TRAP1: variants seen among roughly 807,000 people sequenced by gnomAD.
The protein encoded by TRAP1 is heat shock protein 75 kDa, mitochondrial.
A neutral mutation model predicts 89.1 loss-of-function variants in TRAP1; 102 were observed. The observed-to-expected ratio is 1.15, with a 90% CI of 0.98 to 1.35. TRAP1 has a LOEUF of 1.35. Ranked by LOEUF, TRAP1 falls within the 40% of genes most tolerant of loss-of-function variation. The pLI is 0.00. For synonymous variants in TRAP1, 508 were observed against 388.0 expected, an observed-to-expected ratio of 1.31 and a Z score of -3.64; for missense variants, 1,256 against 945.3, an observed-to-expected ratio of 1.33 and a Z score of -4.31.
intron 1 of TRAP1, among the ~76,000 whole-genome samples, chr16:3,707,575 C>G (rs1007648800): frequency 1.3e-5 from 2 of 151,312 alleles, no homozygotes; most frequent in African/African-American, 4.8e-5. Context: ...GACAAACACC[C>G]GGGTGAGGTG....
chr16:3,707,647 A>G (rs2051467199), intron 1 of TRAP1, among the ~76,000 whole-genome samples: 1 of 150,364 alleles, frequency 6.7e-6, no homozygotes, highest in Non-Finnish European at 1.5e-5. Flanking sequence ...TGAGGTCAGG[A>G]GTTCGAGACC....
At chr16:3,690,487 G>C (rs185374304) in intron 2 of TRAP1, among the ~76,000 whole-genome samples, 163 of 152,326 alleles carry the variant, frequency 1.1e-3, no homozygotes, top group Non-Finnish European at 1.6e-3. Flanking sequence ...GGAATGAAAA[G>C]ACAGCTCCAG....
At chr16:3,708,376 C>T (rs1010041046) in intron 1 of TRAP1, among the ~76,000 whole-genome samples, 5 of 152,054 alleles carry the variant, frequency 3.3e-5, no homozygotes, top group Non-Finnish European at 7.4e-5. Flanking sequence ...CAGTGGCTCA[C>T]ACCTGTAATG....
intron 1 of TRAP1, among the ~76,000 whole-genome samples, chr16:3,710,894 A>C (rs2051522319): frequency 8.4e-6 from 1 of 119,092 alleles, no homozygotes. Flanking sequence ...TTTTTTTGAG[A>C]CACTGTCACT....
chr16:3,663,366 G>C, intron 14 of TRAP1, 58 bp downstream of exon 14: 2 of 1,605,510 alleles, frequency 1.2e-6, no homozygotes, highest in Non-Finnish European at 8.5e-7. Flanking sequence ...CTGCGGGGCA[G>C]GAGAGGCGTG....
intron 1 of TRAP1, among the ~76,000 whole-genome samples, chr16:3,710,169 G>A (rs1310667843): frequency 6.6e-6 from 1 of 152,186 alleles, no homozygotes; most frequent in Non-Finnish European, 1.5e-5. Flanking sequence ...AAGCGAAAGG[G>A]CACCTCGGAA....
chr16:3,670,382 C>CAAAAAAAAAAAAAAAAAAAAA lies in TRAP1; in HGVS notation c.1235+1319_1235+1339dup, dbSNP rs760902038. On this transcript the variant is annotated intron_variant, in intron 11 of 17. Coordinates refer to ENST00000246957, the MANE Select transcript of TRAP1 (RefSeq NM_016292.3). ...TGGGCGACAGAGCAAGACTCCGTCT[C>CAAAAAAAAAAAAAAAAAAAAA]AAAAAAAAAAAAAAAAAAAAAAAAA... Among the ~76,000 whole-genome samples, 18 of 22,840 alleles carry CAAAAAAAAAAAAAAAAAAAAA rather than the reference C, an allele frequency of 7.9e-4. 1 individual carries two copies. Among genetic ancestry groups the CAAAAAAAAAAAAAAAAAAAAA allele is most frequent in the African/African-American group, 9.8e-4 (8 of 8,126 alleles). The allele number at this position is 22,840 out of a possible 152,430, so 15.0% of individuals were successfully genotyped here.
At chr16:3,667,137 G>A (rs2050844282) in intron 11 of TRAP1, among the ~76,000 whole-genome samples, 1 of 152,104 alleles carries the variant, frequency 6.6e-6, no homozygotes, top group South Asian at 2.1e-4. Flanking sequence ...GTCTATGCAG[G>A]GCCATGGTTG....
chr16:3,663,797 A>G, intron 13 of TRAP1: 1 of 550,680 alleles, frequency 1.8e-6, no homozygotes, highest in South Asian at 2.2e-5. Context: ...CATGTGGCTG[A>G]GTGCAGTGGC....
chr16:3,680,550 C>T (rs566307963), intron 4 of TRAP1, among the ~76,000 whole-genome samples: 1 of 152,374 alleles, frequency 6.6e-6, no homozygotes, highest in Admixed American at 6.5e-5. Flanking sequence ...CCTACTCCCA[C>T]CCTACCACCA....
At position 3,658,854 on chromosome 16, in the gene TRAP1, A is replaced by ATGAGCG. The variant is rs1405704672; in HGVS notation, c.1946_1951dup (p.Leu650_Ile651insThrLeu). On this transcript the variant is annotated inframe_insertion, in exon 17 of 18. Transcript: ENST00000246957. ...TGCGCGCAGCTGATTCAGCTTCTTG[A>ATGAGCG]TGAGCGCGTGCCTGCAACACAGAAC... The ATGAGCG allele has an allele frequency of 6.2e-7, 1 of 1,614,056 alleles. No individual in the cohort carries two copies. Among genetic ancestry groups the ATGAGCG allele is most frequent in the South Asian group, 1.1e-5 (1 of 91,082 alleles).
chr16:3,679,576 T>A (rs1318613979), intron 5 of TRAP1, 143 bp downstream of exon 5: 2 of 817,332 alleles, frequency 2.4e-6, no homozygotes, highest in Non-Finnish European at 4.0e-6. Flanking sequence ...GGCTGTCATG[T>A]CATGAGGTGT....
intron 11 of TRAP1, among the ~76,000 whole-genome samples, chr16:3,669,642 G>A (rs888628509): frequency 1.8e-4 from 28 of 151,788 alleles, no homozygotes; most frequent in African/African-American, 6.5e-4. Flanking sequence ...AGACCATCCC[G>A]GCTAACACAG....
chr16:3,689,242 CTTTTTTT>C (rs34759526), intron 2 of TRAP1, 105 bp from the exon 3 acceptor site: 16 of 426,092 alleles, frequency 3.8e-5, no homozygotes, highest in African/African-American at 1.2e-4. Flanking sequence ...GAGTTTTAAA[CTTTTTTT>C]TTTTTTTTTT....
intron 1 of TRAP1, among the ~76,000 whole-genome samples, chr16:3,693,014 G>GTGA (rs1567238912): frequency 2.0e-5 from 3 of 151,786 alleles, no homozygotes; most frequent in African/African-American, 7.2e-5. Context: ...CTGGAGTGCA[G>GTGA]TGATCTCGGC....
chr16:3,696,934 C>T (rs2051295567), intron 1 of TRAP1, among the ~76,000 whole-genome samples: 1 of 152,048 alleles, frequency 6.6e-6, no homozygotes, highest in Admixed American at 6.6e-5. Context: ...ACCATGTTGC[C>T]CAGGCTGGTC....
intron 16 of TRAP1, chr16:3,661,732 C>T (rs1036751281): frequency 2.5e-5 from 10 of 406,952 alleles, no homozygotes; most frequent in Non-Finnish European, 4.3e-5. Flanking sequence ...GTGGCAAAGC[C>T]ATAAAGCAAA....
In TRAP1 at chr16:3,686,148, G is replaced by C; in HGVS notation, c.331-12C>G. ...TCCCGTATAAACACCTACAGGAATA[G>C]AAATGGGAGGCACAGACAATGAAGG... On this transcript the variant is annotated splice_polypyrimidine_tract_variant and intron_variant, in intron 3 of 17. Coordinates refer to ENST00000246957, the MANE Select transcript of TRAP1 (RefSeq NM_016292.3). The C allele has an allele frequency of 6.2e-7, 1 of 1,613,140 alleles. No homozygotes were observed. The highest frequency in any genetic ancestry group is 8.5e-7 in the Non-Finnish European group (1 of 1,179,264).
At chr16:3,684,368 A>G (rs902931715) in intron 4 of TRAP1, among the ~76,000 whole-genome samples, 4 of 152,246 alleles carry the variant, frequency 2.6e-5, no homozygotes, top group African/African-American at 7.2e-5. Flanking sequence ...TCCCCTAAAA[A>G]TAACAAAAAG....
Sources: allele counts gnomAD v4.1 joint callset (sites outside exome capture counted in the v4.1 genomes callset), GRCh38; gene constraint gnomAD v4.1.1; transcripts MANE v1.5; gene names NCBI Gene and HGNC (gene_info 2026-07-23, HGNC 2026-07-21).